DNA2: variants seen among roughly 807,000 people sequenced by gnomAD.
The protein encoded by DNA2 is DNA replication ATP-dependent helicase/nuclease DNA2.
Under a neutral mutation model 119.1 loss-of-function variants are expected in DNA2, and 101 were observed. The ratio of observed to expected loss-of-function variants is 0.85; its 90% confidence interval spans 0.72 to 1.00. The LOEUF is 1.00. Ranked by LOEUF, DNA2 falls within the 50% of genes least tolerant of loss-of-function variation. DNA2 has a pLI of 0.00. For synonymous variants in DNA2, 366 were observed against 424.4 expected, an observed-to-expected ratio of 0.86 and a Z score of 1.69; for missense variants, 1,121 against 1,255.5, an observed-to-expected ratio of 0.89 and a Z score of 1.62.
At chr10:68,433,877 C>T (rs996686562) in intron 10 of DNA2, among the ~76,000 whole-genome samples, 1 of 152,196 alleles carries the variant, frequency 6.6e-6, no homozygotes, top group African/African-American at 2.4e-5. Flanking sequence ...CTACATCACA[C>T]GTTTGTGCAA....
In DNA2 at chr10:68,437,099, C is replaced by G. The variant is rs376453519; in HGVS notation, c.1558G>C (p.Val520Leu). The change falls in exon 10 of 21, where the codon GTA (valine) becomes CTA (leucine). Residue 520 changes from valine to leucine, a missense_variant. Val to Leu is a conservative substitution (Grantham distance 32). Transcript: ENST00000358410. The part of the protein sequence containing the change: ...TNLMAGDRVI[V>L]SGEERSLFAL... Reference sequence around the variant, plus strand: ...AACAGTGACCTTTCTTCTCCACTTACAATAACTCTGTCACCTGCCATTAGA... The same window carrying G: ...AACAGTGACCTTTCTTCTCCACTTAGAATAACTCTGTCACCTGCCATTAGA... The G allele has an allele frequency of 9.9e-6, 16 of 1,613,956 alleles. No homozygotes were observed. The highest frequency in any genetic ancestry group is 5.0e-5 in the Admixed American group (3 of 60,012).
In DNA2 at chr10:68,450,048, A is replaced by T. The variant is rs566298418; in HGVS notation, c.919T>A (p.Ser307Thr). 425 of 1,594,552 alleles carry T rather than the reference A, an allele frequency of 2.7e-4. 3 individuals carry two copies. In the South Asian group the frequency reaches 4.7e-3, roughly 18 times the overall value. The part of the protein sequence containing the change: ...LELKTGKESN[S>T]IEHRSQVVLY... ...TATACCTGACTACGGTGTTCAATAG[A>T]ATTTGATTCTTTGCCAGTTTTAAGT... Residue 307 changes from serine (S) to threonine (T), a missense_variant, in exon 6 of 21, where the codon TCT becomes ACT. Coordinates refer to ENST00000358410, the MANE Select transcript of DNA2 (RefSeq NM_001080449.3).
At chr10:68,469,906 A>G (rs566635926) in intron 2 of DNA2, 75 bp downstream of exon 2, 25 of 1,294,804 alleles carry the variant, frequency 1.9e-5, no homozygotes, top group Non-Finnish European at 2.3e-5. Context: ...AGTAACATTC[A>G]CAGAAGCCAT....
intron 18 of DNA2, chr10:68,419,530 A>G (rs1043714529): frequency 1.2e-5 from 6 of 518,472 alleles, no homozygotes; most frequent in Admixed American, 3.6e-5. Flanking sequence ...TCTTTCACAG[A>G]AAAATTTCCA....
intron 10 of DNA2, among the ~76,000 whole-genome samples, chr10:68,432,819 C>T (rs1191126990): frequency 6.6e-6 from 1 of 152,198 alleles, no homozygotes; most frequent in Non-Finnish European, 1.5e-5. Flanking sequence ...ATCCTGAATG[C>T]ATGGCTCTTC....
intron 14 of DNA2, among the ~76,000 whole-genome samples, chr10:68,428,325 CAAAAT>C (rs754925150): frequency 2.0e-4 from 30 of 151,244 alleles, no homozygotes; most frequent in Non-Finnish European, 2.9e-5. Context: ...GACTCCGTCT[CAAAAT>C]AAAAAAAAAT....
rs747254662 is a variant in DNA2 at position 68,471,916 on chromosome 10, G to A, written c.-52C>T. ...GACAGAAAAGACAGCGGAACCGGGG[G>A]TAACACAGAAAGCTTAGAAAAGGGA... On this transcript the variant is annotated 5_prime_UTR_variant, in exon 1 of 21. Transcript: ENST00000358410. The A allele has an allele frequency of 1.7e-5, 27 of 1,613,692 alleles. No individual in the cohort carries two copies. Among genetic ancestry groups the A allele is most frequent in the Non-Finnish European group, 2.1e-5 (25 of 1,179,724 alleles).
chr10:68,448,704 T>C lies in DNA2; in HGVS notation c.939+1324A>G, dbSNP rs534845407. Among the ~76,000 whole-genome samples the C allele has an allele frequency of 3.3e-5, 5 of 152,310 alleles. No homozygotes were observed. In the South Asian group the frequency reaches 1.0e-3, roughly 32 times the overall value. On this transcript the variant is annotated intron_variant, in intron 6 of 20. Transcript: ENST00000358410. ...AGTAATATTCTTTGCCTTGAAGCAA[T>C]GGTGAATTAGAGCAACAATCTCAAT... is the stretch of plus-strand genomic sequence containing the variant.
chr10:68,439,651 A>G (rs2051940155), intron 9 of DNA2, among the ~76,000 whole-genome samples: 1 of 151,922 alleles, frequency 6.6e-6, no homozygotes, highest in Non-Finnish European at 1.5e-5. Flanking sequence ...CAGCCTGACC[A>G]ACATGGAGAA....
At chr10:68,452,454 G>A (rs1204136103) in intron 5 of DNA2, among the ~76,000 whole-genome samples, 1 of 151,944 alleles carries the variant, frequency 6.6e-6, no homozygotes, top group African/African-American at 2.4e-5. Context: ...TATTAAATTA[G>A]GCAAAACTTA....
At position 68,458,311 on chromosome 10, in the gene DNA2, C is replaced by A. The variant is rs551458989; in HGVS notation, c.719+793G>T. Among the ~76,000 whole-genome samples, 54 of 152,250 alleles carry A rather than the reference C, an allele frequency of 3.5e-4. 1 individual carries two copies. The highest frequency in any genetic ancestry group is 6.6e-4 in the Non-Finnish European group (45 of 68,008). On this transcript the variant is annotated intron_variant, in intron 5 of 20. Coordinates refer to ENST00000358410, the MANE Select transcript of DNA2 (RefSeq NM_001080449.3). ...CTTTGGTAGGCCAAGGTGTGTGGAT[C>A]ACCAGAGGTCAGGCATTCAAGACCA... is the stretch of plus-strand genomic sequence containing the variant.
chr10:68,436,901 G>A (rs984495359), intron 10 of DNA2, 110 bp downstream of exon 10: 8 of 827,842 alleles, frequency 9.7e-6, no homozygotes, highest in South Asian at 5.1e-5. Context: ...GCTGCACAAC[G>A]CTGTGAATAT....
In DNA2 at chr10:68,443,220, A is replaced by G. The variant is rs1054657575; in HGVS notation, c.1221-109T>C. On this transcript the variant is annotated intron_variant, in intron 8 of 20. Coordinates refer to ENST00000358410, the MANE Select transcript of DNA2 (RefSeq NM_001080449.3). The stretch of plus-strand genomic sequence containing the variant: ...ACATATATGATCATCATCATAACTC[A>G]TAACCACAGCCCCTAATGTTCCTTA... The G allele has an allele frequency of 2.7e-5, 25 of 930,730 alleles. No homozygotes were observed. The African/African-American group carries it at 4.2e-4, about 16-fold the overall frequency. 57.7% of individuals were successfully genotyped at this position (930,730 alleles called of 1,614,324 possible).
At chr10:68,445,271 C>T (rs926897361) in intron 7 of DNA2, among the ~76,000 whole-genome samples, 188 bp from the exon 8 acceptor site, 1 of 152,142 alleles carries the variant, frequency 6.6e-6, no homozygotes, top group Non-Finnish European at 1.5e-5. Context: ...TCAAGACTAG[C>T]CTAACCAACA....
intron 6 of DNA2, among the ~76,000 whole-genome samples, chr10:68,449,768 C>G (rs1318540868): frequency 6.6e-6 from 1 of 151,962 alleles, no homozygotes; most frequent in East Asian, 1.9e-4. Context: ...AAAAAATTAG[C>G]TGGGCATGAT....
intron 6 of DNA2, among the ~76,000 whole-genome samples, chr10:68,447,113 C>T (rs760816793): frequency 3.3e-5 from 5 of 151,994 alleles, no homozygotes; most frequent in Admixed American, 6.6e-5. Flanking sequence ...TCATGTAATC[C>T]ATGAACGTAT....
chr10:68,464,274 A>T lies in DNA2; in HGVS notation c.587+1393T>A, dbSNP rs576090791. On this transcript the variant is annotated intron_variant, in intron 4 of 20. Transcript: ENST00000358410. Reference sequence around the variant, plus strand: ...ATGCCTGTAATCCCAGCACTTTGGGACGCCAAGGTGGGTGGATCACTTGAG... The same window carrying T: ...ATGCCTGTAATCCCAGCACTTTGGGTCGCCAAGGTGGGTGGATCACTTGAG... Among the ~76,000 whole-genome samples, 7 of 152,238 alleles carry T rather than the reference A, an allele frequency of 4.6e-5. No individual in the cohort carries two copies. The East Asian group carries it at 1.4e-3, about 29-fold the overall frequency.
At chr10:68,423,008 C>A in intron 14 of DNA2, 118 bp from the exon 15 acceptor site, 1 of 653,436 alleles carries the variant, frequency 1.5e-6, no homozygotes, top group Non-Finnish European at 2.5e-6. Context: ...AGGAATCCTT[C>A]GATATTATTT....
chr10:68,471,950 C>A lies in DNA2; in HGVS notation c.-86G>T, dbSNP rs2052387772. On this transcript the variant is annotated 5_prime_UTR_variant, in exon 1 of 21. Transcript: ENST00000358410. ...AAAGCTTAGAAAAGGGAAAAAGGCGCGAGCCTGCGCACCTCGCGCGCATGC... is the reference window on the plus strand; with the variant it reads ...AAAGCTTAGAAAAGGGAAAAAGGCGAGAGCCTGCGCACCTCGCGCGCATGC... 6.2e-7 allele frequency: 1 copy of A among 1,612,732 alleles called. No individual in the cohort carries two copies. Among genetic ancestry groups the A allele is most frequent in the Non-Finnish European group, 8.5e-7 (1 of 1,179,112 alleles).
Sources: gnomAD v4.1 joint callset for allele counts (sites outside exome capture counted in the v4.1 genomes callset) on GRCh38, gnomAD v4.1.1 for gene constraint, MANE v1.5 for transcripts, NCBI Gene and HGNC (gene_info 2026-07-23, HGNC 2026-07-21) for gene names.